DPYD: variants seen among roughly 807,000 people sequenced by gnomAD.
DPYD encodes the protein dihydropyrimidine dehydrogenase.
A neutral mutation model predicts 116.2 loss-of-function variants in DPYD; 109 were observed. The ratio of observed to expected loss-of-function variants is 0.94; its 90% CI spans 0.80 to 1.10. DPYD has a LOEUF of 1.10. Among genes scored for constraint, DPYD ranks in the 50% least tolerant of loss-of-function variants. The pLI, the probability that DPYD is intolerant of heterozygous loss-of-function variation, is 0.00. For synonymous variants in DPYD, 440 were observed against 432.0 expected (o/e 1.02, Z -0.23); for missense variants, 1,302 against 1,254.5 (o/e 1.04, Z -0.57).
intron 16 of DPYD, among the ~76,000 whole-genome samples, chr1:97,368,970 A>C (rs1023464690): frequency 3.9e-5 from 6 of 152,180 alleles, no homozygotes; most frequent in African/African-American, 1.4e-4. Context: ...AAAACACAAC[A>C]ACCACAACAA....
chr1:97,179,111 C>T (rs771338783), intron 20 of DPYD, among the ~76,000 whole-genome samples: 2 of 152,036 alleles, frequency 1.3e-5, no homozygotes, highest in African/African-American at 4.8e-5. Flanking sequence ...CCAGAGGGGA[C>T]AAAGAATAGA....
At chr1:97,255,316 C>T (rs1663375490) in intron 18 of DPYD, among the ~76,000 whole-genome samples, 1 of 152,082 alleles carries the variant, frequency 6.6e-6, no homozygotes, top group Admixed American at 6.6e-5. Context: ...TTAATCTTCA[C>T]AGTGTTTAGG....
At chr1:97,826,658 T>C (rs1458072274) in intron 3 of DPYD, among the ~76,000 whole-genome samples, 1 of 152,164 alleles carries the variant, frequency 6.6e-6, no homozygotes, top group East Asian at 1.9e-4. Flanking sequence ...CCACTATGTA[T>C]GGTGAAAATT....
intron 18 of DPYD, among the ~76,000 whole-genome samples, chr1:97,237,870 T>C (rs536916653): frequency 6.6e-6 from 1 of 152,082 alleles, no homozygotes; most frequent in East Asian, 1.9e-4. Flanking sequence ...CCCAAGAGAG[T>C]AAATTTGAGC....
In DPYD at chr1:97,637,405, A is replaced by G. The variant is rs374200209; in HGVS notation, c.850+41690T>C. ...TTCTTTTGTTAGCTCCTTTATGCAT[A>G]TGAATAAACCTTTTTTCCTTCTGAT... is the stretch of plus-strand genomic sequence containing the variant. On this transcript the variant is annotated intron_variant, in intron 8 of 22. Transcript: ENST00000370192. Among the ~76,000 whole-genome samples the G allele has an allele frequency of 5.3e-5, 8 of 152,230 alleles. No individual in the cohort carries two copies. In the East Asian group the frequency reaches 1.5e-3, roughly 29 times the overall value.
intron 16 of DPYD, among the ~76,000 whole-genome samples, chr1:97,307,375 T>G (rs1667235735): frequency 6.6e-6 from 1 of 151,936 alleles, no homozygotes; most frequent in Admixed American, 6.6e-5. Flanking sequence ...TGTTTTTGTA[T>G]GTAAGAAAGT....
chr1:97,311,795 A>G (rs1046237624), intron 16 of DPYD, among the ~76,000 whole-genome samples: 3 of 151,886 alleles, frequency 2.0e-5, no homozygotes, highest in Non-Finnish European at 4.4e-5. Flanking sequence ...GATTAATCTC[A>G]TAAGGCTTAG....
At chr1:97,272,273 C>T (rs1664632397) in intron 18 of DPYD, among the ~76,000 whole-genome samples, 1 of 152,122 alleles carries the variant, frequency 6.6e-6, no homozygotes, top group African/African-American at 2.4e-5. Context: ...GAATGGGCTA[C>T]ATTTAGCTAT....
intron 20 of DPYD, among the ~76,000 whole-genome samples, chr1:97,127,577 C>T (rs941008448): frequency 4.6e-5 from 7 of 152,082 alleles, no homozygotes; most frequent in African/African-American, 1.4e-4. Flanking sequence ...TTGAAGGTTG[C>T]TAGAAAGGTA....
chr1:97,461,683 G>A (rs578222522), intron 13 of DPYD, among the ~76,000 whole-genome samples: 2 of 152,242 alleles, frequency 1.3e-5, no homozygotes, highest in Middle Eastern at 3.4e-3. Flanking sequence ...AAAATTTGAA[G>A]TCTGTTTTCT....
chr1:97,312,109 T>C (rs1271550608), intron 16 of DPYD, among the ~76,000 whole-genome samples: 4 of 151,826 alleles, frequency 2.6e-5, no homozygotes, highest in Admixed American at 1.3e-4. Context: ...AATGCATACA[T>C]ATATGTTTCA....
chr1:97,105,211 G>C (rs1472077544), intron 20 of DPYD, among the ~76,000 whole-genome samples: 3 of 152,032 alleles, frequency 2.0e-5, no homozygotes, highest in African/African-American at 7.2e-5. Context: ...GGAGAAACCA[G>C]AACAAAGAGA....
chr1:97,647,226 T>C (rs1343802143), intron 8 of DPYD, among the ~76,000 whole-genome samples: 1 of 152,054 alleles, frequency 6.6e-6, no homozygotes, highest in African/African-American at 2.4e-5. Context: ...AGTTTAAATA[T>C]TTTGGTGTCC....
At chr1:97,112,442 T>C (rs562392263) in intron 20 of DPYD, among the ~76,000 whole-genome samples, 19 of 152,134 alleles carry the variant, frequency 1.2e-4, no homozygotes, top group Admixed American at 2.6e-4. Flanking sequence ...ATGTAAACAC[T>C]AGTGCTTAAA....
intron 13 of DPYD, among the ~76,000 whole-genome samples, chr1:97,456,121 A>G (rs1036619031): frequency 1.3e-5 from 2 of 151,790 alleles, no homozygotes; most frequent in South Asian, 2.1e-4. Context: ...CCATGGTTGC[A>G]TATCTAGTAA....
At chr1:97,397,891 T>C (rs963965867) in intron 14 of DPYD, among the ~76,000 whole-genome samples, 1 of 152,028 alleles carries the variant, frequency 6.6e-6, no homozygotes, top group East Asian at 1.9e-4. Flanking sequence ...AGTAGAGTTG[T>C]TGGATCCTAT....
intron 3 of DPYD, among the ~76,000 whole-genome samples, chr1:97,777,444 AC>A (rs1666472134): frequency 6.6e-6 from 1 of 152,188 alleles, no homozygotes; most frequent in Non-Finnish European, 1.5e-5. Flanking sequence ...CAAATTCATA[AC>A]ACAAAATATT....
At chr1:97,696,240 A>G (rs1661300113) in intron 6 of DPYD, among the ~76,000 whole-genome samples, 1 of 152,088 alleles carries the variant, frequency 6.6e-6, no homozygotes, top group Non-Finnish European at 1.5e-5. Flanking sequence ...AATTGCCAGG[A>G]TATTAAAGAG....
rs1248008382 is a variant in DPYD, at chr1:97,516,024, C to T, written c.1525-83G>A. ...TTTTACCAAAAAAATCACTTCAACACAGCATCCGAATTAATATAGATTACA... is the reference window on the plus strand; with the variant it reads ...TTTTACCAAAAAAATCACTTCAACATAGCATCCGAATTAATATAGATTACA... On this transcript the variant is annotated intron_variant, in intron 12 of 22. Coordinates refer to ENST00000370192, the MANE Select transcript of DPYD (RefSeq NM_000110.4). 6 of 1,293,908 alleles carry T rather than the reference C, an allele frequency of 4.6e-6. No individual in the cohort carries two copies. The Admixed American group carries it at 7.7e-5, about 17-fold the overall frequency. The allele number at this position is 1,293,908 out of a possible 1,614,324, so 80.2% of individuals were successfully genotyped here.
Sources: allele counts gnomAD v4.1 joint callset (sites outside exome capture counted in the v4.1 genomes callset), GRCh38; gene constraint gnomAD v4.1.1; transcripts MANE v1.5; gene names NCBI Gene and HGNC (gene_info 2026-07-23, HGNC 2026-07-21).